PIAS2: variants seen among roughly 807,000 people sequenced by gnomAD.
The protein encoded by PIAS2 is E3 SUMO-protein ligase PIAS2.
Under a neutral mutation model 69.7 loss-of-function variants are expected in PIAS2, and 19 were observed. That is an observed-to-expected ratio of 0.27 (90% CI 0.19 to 0.40). The LOEUF is 0.40. Among genes scored for constraint, PIAS2 ranks in the 10% least tolerant of loss-of-function variants. The pLI, the probability that PIAS2 is intolerant of heterozygous loss-of-function variation, is 1.00. For synonymous variants in PIAS2, 261 were observed against 263.2 expected (o/e 0.99, Z 0.08); for missense variants, 624 against 757.0 (o/e 0.82, Z 2.06).
chr18:46,837,415 C>CGT (rs2044611454), intron 8 of PIAS2, among the ~76,000 whole-genome samples: 1 of 152,090 alleles, frequency 6.6e-6, no homozygotes, highest in African/African-American at 2.4e-5. Context: ...AACTTTCTAC[C>CGT]TATAACCTTT....
intron 12 of PIAS2, chr18:46,816,704 G>C: frequency 3.0e-6 from 2 of 666,342 alleles, no homozygotes; most frequent in Non-Finnish European, 3.7e-6. Flanking sequence ...CAGAGCTCAA[G>C]TGATCCTCCC....
In PIAS2 at chr18:46,803,732, G is replaced by A. The variant is rs897400110; in HGVS notation, c.*8701C>T. ...TTGTAGCACTCTGTGTAGTGTACCT[G>A]ACCCAGATAAGGTGGTCCTCAGTAC... is the stretch of plus-strand genomic sequence containing the variant. On this transcript the variant is annotated 3_prime_UTR_variant, in exon 14 of 14. Coordinates refer to ENST00000585916, the MANE Select transcript of PIAS2 (RefSeq NM_004671.5). 6.6e-6 allele frequency: 1 copy of A among 152,174 alleles called. No individual in the cohort carries two copies. Among genetic ancestry groups the A allele is most frequent in the Non-Finnish European group, 1.5e-5 (1 of 68,040 alleles). 9.4% of individuals were successfully genotyped at this position (152,174 alleles called of 1,614,324 possible).
chr18:46,912,032 CAA>C (rs1453684479), intron 1 of PIAS2, among the ~76,000 whole-genome samples: 5 of 150,260 alleles, frequency 3.3e-5, no homozygotes, highest in African/African-American at 1.2e-4. Context: ...GCCTGGGCAA[CAA>C]GAGCAAAATC....
intron 2 of PIAS2, among the ~76,000 whole-genome samples, chr18:46,865,300 G>T (rs2049266080): frequency 6.6e-6 from 1 of 152,122 alleles, no homozygotes; most frequent in African/African-American, 2.4e-5. Context: ...AGCACTCTGG[G>T]AGGCCGAGGC....
chr18:46,863,067 C>A (rs1256962233), intron 3 of PIAS2, among the ~76,000 whole-genome samples: 2 of 152,068 alleles, frequency 1.3e-5, no homozygotes, highest in Admixed American at 1.3e-4. Flanking sequence ...TTTCTTCTTA[C>A]ATCTCTTAGT....
At chr18:46,846,236 A>C (rs2046150771) in intron 6 of PIAS2, among the ~76,000 whole-genome samples, 2 of 152,196 alleles carry the variant, frequency 1.3e-5, no homozygotes, top group Admixed American at 1.3e-4. Flanking sequence ...TATAATTCTA[A>C]GTAAATATTT....
Position 46,828,013 on chromosome 18 carries a change from G to A in PIAS2, c.1454C>T (p.Pro485Leu), listed in dbSNP as rs148741759. The A allele has an allele frequency of 1.6e-5, 26 of 1,613,896 alleles. No homozygotes were observed. The highest frequency in any genetic ancestry group is 2.2e-5 in the Non-Finnish European group (26 of 1,179,872). The stretch of plus-strand genomic sequence containing the variant: ...CATAAAGATGCATTTCCTTTTGGCA[G>A]GAGGGTCTTCCTCTTCGTCAGAAGA... ...ESSSDEEEDP[P>L]AKRKCIFMSE... Residue 485 changes from proline (P) to leucine (L), a missense_variant, in exon 11 of 14, where the codon CCT (proline) becomes CTT (leucine). This residue lies in a region of PIAS2 where 241 missense variants were observed against 257.3 expected (regional missense o/e 0.94). Coordinates refer to ENST00000585916, the MANE Select transcript of PIAS2 (RefSeq NM_004671.5).
At position 46,809,419 on chromosome 18, in the gene PIAS2, A is replaced by G. The variant is rs1216328020; in HGVS notation, c.*3014T>C. The G allele has an allele frequency of 1.3e-5, 2 of 152,194 alleles. No individual in the cohort carries two copies. The highest frequency in any genetic ancestry group is 1.3e-4 in the Admixed American group (2 of 15,276). The allele number at this position is 152,194 out of a possible 1,614,324, so 9.4% of individuals were successfully genotyped here. ...AATTACACTGTGGGGGGTTACCAGAACAAGAAAAGGCCTTCATAGTTCTAA... is the reference window on the plus strand; with the variant it reads ...AATTACACTGTGGGGGGTTACCAGAGCAAGAAAAGGCCTTCATAGTTCTAA... On this transcript the variant is annotated 3_prime_UTR_variant, in exon 14 of 14. Transcript: ENST00000585916.
chr18:46,810,958 T>G lies in PIAS2; in HGVS notation c.*1475A>C, dbSNP rs1032839758. 1 of 152,144 alleles carries G rather than the reference T, an allele frequency of 6.6e-6. No homozygotes were observed. The highest frequency in any genetic ancestry group is 2.4e-5 in the African/African-American group (1 of 41,434). The allele number at this position is 152,144 out of a possible 1,614,324, so 9.4% of individuals were successfully genotyped here. A position where few individuals can be genotyped will look rare whatever the true frequency, so the allele number is the denominator to read the frequency against. On this transcript the variant is annotated 3_prime_UTR_variant, in exon 14 of 14. Transcript: ENST00000585916. ...AGCTAAACAGAAAAGTACCAAATCC[T>G]TGTGAACTCAAAAATGATTTAGGAA...
intron 13 of PIAS2, among the ~76,000 whole-genome samples, chr18:46,814,590 T>A (rs1170882639): frequency 1.3e-5 from 2 of 152,208 alleles, no homozygotes; most frequent in African/African-American, 2.4e-5. Context: ...ACAGGACTTG[T>A]GCTTAGCTGA....
At chr18:46,859,915 G>A (rs943906489) in intron 3 of PIAS2, among the ~76,000 whole-genome samples, 1 of 152,176 alleles carries the variant, frequency 6.6e-6, no homozygotes, top group African/African-American at 2.4e-5. Flanking sequence ...GGTACAAGAA[G>A]TCAGTGTGAG....
chr18:46,881,914 T>C lies in PIAS2; in HGVS notation c.499+8666A>G, dbSNP rs545214973. ...GAGTTCCAGACCAGCCTGGCCGACA[T>C]GGTGAAACCCTGTCTCTACTAAGAA... On this transcript the variant is annotated intron_variant, in intron 2 of 13. Transcript: ENST00000585916. Among the ~76,000 whole-genome samples the C allele has an allele frequency of 2.6e-5, 4 of 152,294 alleles. No individual in the cohort carries two copies. In the South Asian group the frequency reaches 8.3e-4, roughly 32 times the overall value.
intron 9 of PIAS2, 41 bp downstream of exon 9, chr18:46,836,316 T>C (rs768882556): frequency 1.1e-5 from 17 of 1,484,740 alleles, no homozygotes; most frequent in Admixed American, 3.4e-5. Flanking sequence ...CCAACAGCTG[T>C]TGTATTAGTC....
chr18:46,868,242 G>A (rs2145665190), intron 2 of PIAS2, among the ~76,000 whole-genome samples: 1 of 152,308 alleles, frequency 6.6e-6, no homozygotes, highest in South Asian at 2.1e-4. Context: ...TGACTTCCCT[G>A]TTCTTTGCTC....
chr18:46,840,199 A>G (rs145809853), intron 8 of PIAS2, among the ~76,000 whole-genome samples: 6 of 152,274 alleles, frequency 3.9e-5, no homozygotes, highest in Admixed American at 3.3e-4. Flanking sequence ...AAGACCTCAA[A>G]GACATTTTAT....
At chr18:46,911,214 CT>C (rs149777627) in intron 1 of PIAS2, among the ~76,000 whole-genome samples, 1,414 of 139,708 alleles carry the variant, frequency 0.01, 4 homozygotes, top group East Asian at 0.039. Flanking sequence ...TGTTATATTT[CT>C]TTTTTTTTTT....
At position 46,811,989 on chromosome 18, in the gene PIAS2, A is replaced by G. The variant is rs1173257421; in HGVS notation, c.*444T>C. ...ATTCAGCAAACATTAAGTTCTTTCC[A>G]TATATTTTTTTTCCTTCACGTAAGG... is the stretch of plus-strand genomic sequence containing the variant. On this transcript the variant is annotated 3_prime_UTR_variant, in exon 14 of 14. Transcript: ENST00000585916. 1.3e-5 allele frequency: 2 copies of G among 153,362 alleles called. No individual in the cohort carries two copies. The highest frequency in any genetic ancestry group is 2.9e-5 in the Non-Finnish European group (2 of 68,608). 9.5% of individuals were successfully genotyped at this position (153,362 alleles called of 1,614,324 possible).
At chr18:46,919,412 G>A (rs989331772), upstream of PIAS2, among the ~76,000 whole-genome samples, 2 of 152,086 alleles carry the variant, frequency 1.3e-5, no homozygotes, top group Admixed American at 6.6e-5. Context: ...CTTGAACCCT[G>A]GAGGCGGAGG....
Position 46,812,612 on chromosome 18 carries a change from A to G in PIAS2, c.1687T>C (p.Tyr563His), listed in dbSNP as rs765222274. 1 of 1,591,640 alleles carries G rather than the reference A, an allele frequency of 6.3e-7. No homozygotes were observed. ...FLSLIPVDPQ[Y>H]CPPMFLDSLT... ...CTATCCAAAAACATAGGAGGACAGT[A>G]CTGCTTGAAACAAACAATGATGCCA... The change falls in exon 14 of 14, where the codon TAC becomes CAC. Residue 563 changes from tyrosine to histidine, a missense_variant and splice_region_variant. Transcript: ENST00000585916.
Sources: gnomAD v4.1 joint callset for allele counts (sites outside exome capture counted in the v4.1 genomes callset) on GRCh38, gnomAD v4.1.1 for gene constraint, gnomAD v4.1.1 regional missense constraint, MANE v1.5 for transcripts, NCBI Gene and HGNC (gene_info 2026-07-23, HGNC 2026-07-21) for gene names.